The following AGO2 variants were observed in gnomAD, a reference collection of about 807,000 sequenced individuals.
AGO2 encodes the protein argonaute RISC catalytic component 2, also known as protein argonaute-2.
A neutral mutation model predicts 102.3 loss-of-function variants in AGO2; 5 were observed. The observed-to-expected ratio is 0.05, with a 90% CI of 0.03 to 0.10. The LOEUF (loss-of-function observed/expected upper bound fraction) is 0.10. Among genes scored for constraint, AGO2 ranks in the 10% least tolerant of loss-of-function variants. The pLI is 1.00. For synonymous variants in AGO2, 449 were observed against 473.1 expected (o/e 0.95, Z 0.66); for missense variants, 541 against 1,183.7 (o/e 0.46, Z 7.97).
At chr8:140,628,167 C>A (rs774183122) in intron 1 of AGO2, among the ~76,000 whole-genome samples, 1 of 152,254 alleles carries the variant, frequency 6.6e-6, no homozygotes, top group African/African-American at 2.4e-5. Flanking sequence ...CCTGCTCCCC[C>A]GGCCGCAGCG....
Position 140,563,511 on chromosome 8 carries a change from C to T in AGO2, c.337-877G>A, listed in dbSNP as rs1262577929. On this transcript the variant is annotated intron_variant, in intron 3 of 18. Transcript: ENST00000220592. ...TTGGCCTCTCAAAGTGCTAGGAGTA[C>T]AAGCGTGAGCCATTGTGCCTGGCCG... Among the ~76,000 whole-genome samples, 4 of 152,228 alleles carry T rather than the reference C, an allele frequency of 2.6e-5. No individual in the cohort carries two copies. In the East Asian group the frequency reaches 7.7e-4, roughly 29 times the overall value.
chr8:140,547,521 C>T lies in AGO2; in HGVS notation c.1695G>A (p.Leu565=), dbSNP rs770866131. ...CGCCTCCCAGCTTGACGTTGATCTTCAGGCAGAGGTTGGACAGGGTCTGTG... is the reference window on the plus strand; with the variant it reads ...CGCCTCCCAGCTTGACGTTGATCTTTAGGCAGAGGTTGGACAGGGTCTGTG... The part of the protein sequence containing the change: ...TTPQTLSNLC[L]KINVKLGGVN... Residue 565 remains leucine (L), a synonymous_variant, in exon 13 of 19, where the codon CTG becomes CTA. Coordinates refer to ENST00000220592, the MANE Select transcript of AGO2 (RefSeq NM_012154.5). 1.9e-6 allele frequency: 3 copies of T among 1,614,208 alleles called. No homozygotes were observed. Among genetic ancestry groups the T allele is most frequent in the Admixed American group, 3.3e-5 (2 of 60,034 alleles).
At chr8:140,627,364 C>G (rs1365657278) in intron 1 of AGO2, among the ~76,000 whole-genome samples, 1 of 152,242 alleles carries the variant, frequency 6.6e-6, no homozygotes, top group Non-Finnish European at 1.5e-5. Flanking sequence ...ACAAACATCT[C>G]AAATGGTTAT....
intron 17 of AGO2, among the ~76,000 whole-genome samples, chr8:140,534,442 C>A (rs975562017): frequency 6.6e-6 from 1 of 152,188 alleles, no homozygotes; most frequent in Non-Finnish European, 1.5e-5. Flanking sequence ...GCAAAGCAAG[C>A]CAACACTGGG....
chr8:140,543,184 A>G (rs1282537461), intron 14 of AGO2, among the ~76,000 whole-genome samples: 1 of 146,326 alleles, frequency 6.8e-6, no homozygotes, highest in Non-Finnish European at 1.5e-5. Context: ...AACAAAAAAA[A>G]ACCCACAAAA....
rs908609299 is a variant in AGO2 at position 140,526,149 on chromosome 8, C to T, written c.*5895G>A. ...GCAACTATTTTAAATGTATTATTTG[C>T]ATGACAGTCGGTGTTGAAGCACCTT... is the stretch of plus-strand genomic sequence containing the variant. On this transcript the variant is annotated 3_prime_UTR_variant, in exon 19 of 19. Coordinates refer to ENST00000220592, the MANE Select transcript of AGO2 (RefSeq NM_012154.5). The surrounding 1 kb of genome is among the most constrained non-coding windows in gnomAD (Gnocchi z 5.2). 53 of 152,310 alleles carry T rather than the reference C, an allele frequency of 3.5e-4. No individual in the cohort carries two copies. The highest frequency in any genetic ancestry group is 1.2e-3 in the African/African-American group (50 of 41,568). 9.4% of individuals were successfully genotyped at this position (152,310 alleles called of 1,614,324 possible). A position where few individuals can be genotyped will look rare whatever the true frequency, so the allele number is the denominator to read the frequency against.
At chr8:140,565,002 C>T (rs2073256906) in intron 3 of AGO2, among the ~76,000 whole-genome samples, 1 of 152,092 alleles carries the variant, frequency 6.6e-6, no homozygotes, top group African/African-American at 2.4e-5. Flanking sequence ...GGTATGGTGG[C>T]ACGTGCCTAT....
intron 3 of AGO2, among the ~76,000 whole-genome samples, chr8:140,564,763 C>G (rs187870653): frequency 5.3e-4 from 81 of 151,478 alleles, no homozygotes; most frequent in Non-Finnish European, 1.1e-3. Context: ...GCCAATGTGG[C>G]AAAACCCCAT....
intron 2 of AGO2, among the ~76,000 whole-genome samples, chr8:140,577,207 C>CAAAAAAAAAAA (rs10661844): frequency 2.4e-4 from 17 of 70,722 alleles, no homozygotes; most frequent in Non-Finnish European, 3.0e-4. Flanking sequence ...GACTCCATCT[C>CAAAAAAAAAAA]AAAAAAAAAA....
intron 1 of AGO2, among the ~76,000 whole-genome samples, chr8:140,586,573 C>A (rs1465443740): frequency 6.6e-6 from 1 of 152,232 alleles, no homozygotes; most frequent in Non-Finnish European, 1.5e-5. Context: ...TGTCAGTCAT[C>A]CACAGGATGA....
At chr8:140,604,718 A>G (rs2073973200) in intron 1 of AGO2, among the ~76,000 whole-genome samples, 1 of 151,672 alleles carries the variant, frequency 6.6e-6, no homozygotes, top group Non-Finnish European at 1.5e-5. Context: ...TCCCAGCTAC[A>G]TGGGGGGCTG....
intron 6 of AGO2, among the ~76,000 whole-genome samples, chr8:140,558,963 G>T (rs1588456533): frequency 6.6e-6 from 1 of 152,214 alleles, no homozygotes; most frequent in African/African-American, 2.4e-5. Context: ...TGGGCAGAAG[G>T]ACCCCGGGTA....
chr8:140,530,088 T>TAA lies in AGO2; in HGVS notation c.*1954_*1955dup, dbSNP rs375978646. 3.5e-4 allele frequency: 53 copies of TAA among 150,640 alleles called. No individual in the cohort carries two copies. The highest frequency in any genetic ancestry group is 3.0e-5 in the Non-Finnish European group (2 of 67,692). 9.3% of individuals were successfully genotyped at this position (150,640 alleles called of 1,614,324 possible). A position where few individuals can be genotyped will look rare whatever the true frequency, so the allele number is the denominator to read the frequency against. ...GGGAGCTTCTGTCATTTAAAAAGAT[T>TAA]AAAAAAAAATACAGCCAGAAGAGAC... is the stretch of plus-strand genomic sequence containing the variant. On this transcript the variant is annotated 3_prime_UTR_variant, in exon 19 of 19. Transcript: ENST00000220592.
chr8:140,569,780 CGTCTCTCTTTCCACACAGGGGCTGGGAT>C (rs2073348183), intron 3 of AGO2, among the ~76,000 whole-genome samples: 1 of 152,148 alleles, frequency 6.6e-6, no homozygotes, highest in Non-Finnish European at 1.5e-5. Flanking sequence ...TGGGAGAACT[CGTCTCTCTTTCCACACAGGGGCTGGGAT>C]GAAGGCAGGC....
At chr8:140,560,913 C>G (rs1161067851) in intron 4 of AGO2, among the ~76,000 whole-genome samples, 1 of 152,250 alleles carries the variant, frequency 6.6e-6, no homozygotes, top group Non-Finnish European at 1.5e-5. Flanking sequence ...CTGCCAAGTG[C>G]CAGCCCCAGC....
upstream of AGO2, chr8:140,637,212 T>C (rs2074416090): frequency 6.6e-6 from 1 of 152,266 alleles, no homozygotes; most frequent in African/African-American, 2.4e-5. Flanking sequence ...TAAATAATCA[T>C]GAATGTTACC....
the AGO2 span, among the ~76,000 whole-genome samples, chr8:140,641,326 AC>A: frequency 1.1e-4 from 16 of 152,014 alleles, no homozygotes; most frequent in Admixed American, 8.5e-4. Context: ...ACACACACAC[AC>A]ACACACACAA....
At chr8:140,549,945 G>A (rs117506402) in intron 11 of AGO2, among the ~76,000 whole-genome samples, 208 of 152,270 alleles carry the variant, frequency 1.4e-3, no homozygotes, top group East Asian at 0.012. Context: ...CAATAAGGGC[G>A]AGGACACGGC....
At chr8:140,615,325 CT>C (rs1372089295) in intron 1 of AGO2, among the ~76,000 whole-genome samples, 1 of 152,258 alleles carries the variant, frequency 6.6e-6, no homozygotes. Context: ...AGACAGCCCC[CT>C]GGCCAGGCCT....
Sources: gnomAD v4.1 joint callset for allele counts (sites outside exome capture counted in the v4.1 genomes callset) on GRCh38, gnomAD v4.1.1 for gene constraint, Gnocchi (gnomAD v3.1) non-coding constraint, MANE v1.5 for transcripts, NCBI Gene and HGNC (gene_info 2026-07-23, HGNC 2026-07-21) for gene names.